FAF1: variants seen among roughly 807,000 people sequenced by gnomAD.
FAF1 encodes the protein Fas associated factor 1.
FAF1 carries 25 observed loss-of-function variants against 92.5 expected under a neutral mutation model. That is an observed-to-expected ratio of 0.27 (90% CI 0.20 to 0.38). FAF1 has a LOEUF of 0.38. FAF1 is among the 10% of genes least tolerant of loss of function. The probability of loss-of-function intolerance (pLI) is 1.00; values close to 1 mark genes in which losing one functional copy is unlikely to be tolerated. For missense variants in FAF1, 636 were observed against 793.3 expected (o/e 0.80, Z 2.38); for synonymous variants, 234 against 273.2 (o/e 0.86, Z 1.42).
At chr1:50,747,201 T>TA (rs2124502794) in intron 4 of FAF1, among the ~76,000 whole-genome samples, 1 of 152,274 alleles carries the variant, frequency 6.6e-6, no homozygotes, top group East Asian at 1.9e-4. Context: ...CCTGGAATGA[T>TA]AGATCCACTA....
chr1:50,521,189 T>C (rs920638663), intron 15 of FAF1, among the ~76,000 whole-genome samples: 2 of 152,148 alleles, frequency 1.3e-5, no homozygotes, highest in African/African-American at 4.8e-5. Flanking sequence ...ACTCACACTA[T>C]TTTTTTAATG....
At chr1:50,693,551 T>G (rs1657031916) in intron 7 of FAF1, among the ~76,000 whole-genome samples, 1 of 152,096 alleles carries the variant, frequency 6.6e-6, no homozygotes, top group Admixed American at 6.5e-5. Flanking sequence ...TTGTTATGTA[T>G]ATATAATTTA....
At chr1:50,644,708 TAATATCTG>T (rs1654502408) in intron 8 of FAF1, among the ~76,000 whole-genome samples, 1 of 152,262 alleles carries the variant, frequency 6.6e-6, no homozygotes, top group African/African-American at 2.4e-5. Flanking sequence ...TCCTGTTGGC[TAATATCTG>T]AAAACAGTTG....
intron 1 of FAF1, among the ~76,000 whole-genome samples, chr1:50,939,293 T>C (rs989039320): frequency 6.6e-6 from 1 of 152,228 alleles, no homozygotes; most frequent in African/African-American, 2.4e-5. Context: ...CTTGGTTAAC[T>C]GTATTCATAG....
intron 4 of FAF1, among the ~76,000 whole-genome samples, chr1:50,746,012 T>C (rs1200258985): frequency 6.6e-6 from 1 of 151,890 alleles, no homozygotes; most frequent in African/African-American, 2.4e-5. Context: ...AGAGCTCAGA[T>C]GGAAATAAGG....
intron 17 of FAF1, among the ~76,000 whole-genome samples, chr1:50,488,382 G>A (rs1211547031): frequency 3.3e-5 from 5 of 152,114 alleles, no homozygotes; most frequent in Non-Finnish European, 7.4e-5. Context: ...AATTACATAC[G>A]CTGCCAAGCT....
chr1:50,446,350 A>T (rs920429764), intron 18 of FAF1, among the ~76,000 whole-genome samples: 1 of 152,184 alleles, frequency 6.6e-6, no homozygotes, highest in Non-Finnish European at 1.5e-5. Flanking sequence ...CTAATGTAAA[A>T]ATCCCAAATA....
chr1:50,450,382 A>T (rs1223741787), intron 18 of FAF1, among the ~76,000 whole-genome samples: 1 of 152,188 alleles, frequency 6.6e-6, no homozygotes, highest in Non-Finnish European at 1.5e-5. Flanking sequence ...TTACATAGCT[A>T]GGAAAGAGAA....
chr1:50,530,721 T>C (rs1303157661), intron 15 of FAF1, among the ~76,000 whole-genome samples: 3 of 152,184 alleles, frequency 2.0e-5, no homozygotes, highest in East Asian at 1.9e-4. Flanking sequence ...TCGCATTGCA[T>C]GCCTGTATCA....
chr1:50,739,268 A>G (rs1659270637), intron 5 of FAF1, among the ~76,000 whole-genome samples: 1 of 152,106 alleles, frequency 6.6e-6, no homozygotes, highest in African/African-American at 2.4e-5. Context: ...GTGCATGTGT[A>G]CATGTGCATA....
At chr1:50,769,989 T>C (rs2124544515) in intron 4 of FAF1, among the ~76,000 whole-genome samples, 1 of 152,126 alleles carries the variant, frequency 6.6e-6, no homozygotes, top group South Asian at 2.1e-4. Context: ...AGGCGGACGT[T>C]GCAGTGAGCC....
At chr1:50,930,549 C>T (rs1318415801) in intron 1 of FAF1, among the ~76,000 whole-genome samples, 1 of 152,124 alleles carries the variant, frequency 6.6e-6, no homozygotes, top group Non-Finnish European at 1.5e-5. Context: ...AATAATAATG[C>T]AGGTGGCCAG....
chr1:50,762,487 C>G (rs1660368098), intron 4 of FAF1, among the ~76,000 whole-genome samples: 1 of 151,622 alleles, frequency 6.6e-6, no homozygotes, highest in South Asian at 2.1e-4. Context: ...GGTACCAAAA[C>G]AGAGATATAG....
rs1648424407 is a variant in FAF1 at position 50,535,432 on chromosome 1, C to G, written c.1431G>C (p.Met477Ile). ...TCTCCATTGCAGCCATGAGTCTCAT[C>G]ATTAACTCATCTACTGTTGTGTTCC... ...IQGNTTVDEL[M>I]MRLMAAMEIF... The change falls in exon 15 of 19, where the codon ATG becomes ATC. Residue 477 changes from methionine to isoleucine, a missense_variant. Physicochemically the swap from Met to Ile is conservative, Grantham distance 10. Around this residue, in one of 2 missense-constraint regions of FAF1, gnomAD observed 319 missense variants for 451.0 expected, o/e 0.71. Transcript: ENST00000396153. 1 of 1,610,640 alleles carries G rather than the reference C, an allele frequency of 6.2e-7. No individual in the cohort carries two copies. Among genetic ancestry groups the G allele is most frequent in the Admixed American group, 1.7e-5 (1 of 59,930 alleles).
chr1:50,524,860 C>T (rs545001714), intron 15 of FAF1, among the ~76,000 whole-genome samples: 1 of 151,984 alleles, frequency 6.6e-6, no homozygotes, highest in African/African-American at 2.4e-5. Context: ...ATTACTTTGG[C>T]TATTCAGGCT....
intron 8 of FAF1, among the ~76,000 whole-genome samples, chr1:50,597,884 C>T (rs1360998933): frequency 6.6e-6 from 1 of 152,146 alleles, no homozygotes; most frequent in Non-Finnish European, 1.5e-5. Context: ...CCTAAAGGAA[C>T]TTTTTCTATT....
intron 1 of FAF1, among the ~76,000 whole-genome samples, chr1:50,879,731 T>C (rs1644596978): frequency 6.6e-6 from 1 of 152,226 alleles, no homozygotes; most frequent in South Asian, 2.1e-4. Context: ...AGAACATGTT[T>C]GAAATGTAAA....
intron 6 of FAF1, among the ~76,000 whole-genome samples, chr1:50,729,072 T>TTTG (rs1658807823): frequency 7.0e-6 from 1 of 142,582 alleles, no homozygotes; most frequent in Non-Finnish European, 1.5e-5. Context: ...TTTTTTTTTT[T>TTTG]GAGGCAGAGT....
chr1:50,638,054 T>G (rs529336443), intron 8 of FAF1, among the ~76,000 whole-genome samples: 2 of 152,242 alleles, frequency 1.3e-5, no homozygotes, highest in Admixed American at 6.5e-5. Context: ...ATATTTCATG[T>G]TTTTGGATAG....
Sources: allele counts gnomAD v4.1 joint callset (sites outside exome capture counted in the v4.1 genomes callset), GRCh38; gene constraint gnomAD v4.1.1; regional missense constraint gnomAD v4.1.1; transcripts MANE v1.5; gene names NCBI Gene and HGNC (gene_info 2026-07-23, HGNC 2026-07-21).